The following MYCBP2 variants were observed in gnomAD, a reference collection of about 807,000 sequenced individuals.
MYCBP2 encodes E3 ubiquitin-protein ligase MYCBP2.
A neutral mutation model predicts 525.3 loss-of-function variants in MYCBP2; 120 were observed. The observed-to-expected ratio is 0.23, with a 90% CI of 0.20 to 0.27. The LOEUF is 0.27. Among genes scored for constraint, MYCBP2 ranks in the 10% least tolerant of loss-of-function variants. The probability of loss-of-function intolerance (pLI) is 1.00; values close to 1 mark genes in which losing one functional copy is unlikely to be tolerated. For synonymous variants in MYCBP2, 1,894 were observed against 1,955.8 expected, an observed-to-expected ratio of 0.97 and a Z score of 0.83; for missense variants, 4,149 against 5,657.1, an observed-to-expected ratio of 0.73 and a Z score of 8.55.
intron 37 of MYCBP2, 106 bp downstream of exon 37, chr13:77,174,205 C>A: frequency 2.1e-6 from 2 of 932,706 alleles, no homozygotes. Flanking sequence ...AGAAGATACA[C>A]TGTACAATTT....
rs1208400781 is a variant in MYCBP2 at position 77,139,200 on chromosome 13, A to G, written c.7655T>C (p.Val2552Ala). 3.7e-6 allele frequency: 6 copies of G among 1,613,260 alleles called. No homozygotes were observed. Among genetic ancestry groups the G allele is most frequent in the Non-Finnish European group, 4.2e-6 (5 of 1,179,516 alleles). ...TTAAAACCACCTTTTACTTACGTCAACAGGGACCAGAAGACTCTTGCCAAG... is the reference window on the plus strand; with the variant it reads ...TTAAAACCACCTTTTACTTACGTCAGCAGGGACCAGAAGACTCTTGCCAAG... ...QHLGKSLLVP[V>A]DESKTNTDDF... The change falls in exon 52 of 83, where the codon GTT becomes GCT. Residue 2552 changes from valine (V) to alanine (A), a missense_variant. This residue lies in a region of MYCBP2 where 692 missense variants were observed against 852.7 expected (regional missense o/e 0.81). Coordinates refer to ENST00000544440, the MANE Select transcript of MYCBP2 (RefSeq NM_015057.5).
chr13:77,157,584 A>G (rs540119801), intron 45 of MYCBP2, among the ~76,000 whole-genome samples: 2 of 152,236 alleles, frequency 1.3e-5, no homozygotes, highest in South Asian at 4.2e-4. Context: ...TGTTTCTACA[A>G]AAAATACAAA....
chr13:77,050,540 G>A (rs770582671), intron 82 of MYCBP2, among the ~76,000 whole-genome samples: 24 of 151,534 alleles, frequency 1.6e-4, no homozygotes, highest in Non-Finnish European at 2.8e-4. Context: ...CCTGTATTCT[G>A]AGTGGTTTCT....
chr13:77,101,922 A>G (rs1040334483), intron 55 of MYCBP2, among the ~76,000 whole-genome samples: 1 of 152,014 alleles, frequency 6.6e-6, no homozygotes, highest in Non-Finnish European at 1.5e-5. Flanking sequence ...TTTGCTAAAA[A>G]TCTTCAGACT....
intron 15 of MYCBP2, among the ~76,000 whole-genome samples, chr13:77,245,550 GA>G (rs1005667747): frequency 3.4e-4 from 48 of 141,366 alleles, no homozygotes; most frequent in African/African-American, 1.2e-3. Flanking sequence ...AGTGGGAGTT[GA>G]ACAATGAGAA....
chr13:77,063,782 A>G (rs2039744338), intron 73 of MYCBP2, among the ~76,000 whole-genome samples: 1 of 152,130 alleles, frequency 6.6e-6, no homozygotes, highest in Non-Finnish European at 1.5e-5. Flanking sequence ...AAAAGAAATA[A>G]TGCATGCAAG....
chr13:77,084,391 A>G (rs899662753), intron 62 of MYCBP2, among the ~76,000 whole-genome samples: 5 of 152,138 alleles, frequency 3.3e-5, no homozygotes, highest in Admixed American at 1.3e-4. Context: ...TTGTGCATAT[A>G]TTGATTACTG....
At chr13:77,317,891 C>T (rs2154380523) in intron 1 of MYCBP2, among the ~76,000 whole-genome samples, 1 of 152,168 alleles carries the variant, frequency 6.6e-6, no homozygotes, top group African/African-American at 2.4e-5. Context: ...CAGCTGAGAT[C>T]ACGCCATTGC....
intron 62 of MYCBP2, among the ~76,000 whole-genome samples, chr13:77,084,496 TAGC>T (rs979572954): frequency 5.3e-5 from 8 of 152,312 alleles, no homozygotes; most frequent in South Asian, 2.1e-4. Context: ...TACAGGGAGA[TAGC>T]AGGCCATCTA....
rs189281172 is a variant in MYCBP2, at chr13:77,213,419, G to A, written c.3058-1259C>T. ...GAATCTGGGAGCCGGAGGTTTCAGT[G>A]AGCTGAGATCATCATGCCACTACAT... is the stretch of plus-strand genomic sequence containing the variant. On this transcript the variant is annotated intron_variant, in intron 21 of 82. Transcript: ENST00000544440. Among the ~76,000 whole-genome samples the A allele has an allele frequency of 4.7e-3, 708 of 152,192 alleles. 3 individuals are homozygous for A. The highest frequency in any genetic ancestry group is 0.015 in the African/African-American group (620 of 41,538).
intron 1 of MYCBP2, among the ~76,000 whole-genome samples, chr13:77,306,833 C>T (rs1285365123): frequency 6.6e-6 from 1 of 152,116 alleles, no homozygotes; most frequent in Non-Finnish European, 1.5e-5. Context: ...AACAGCAGAA[C>T]TAGGCAACAG....
rs1285596388 is a variant in MYCBP2, at chr13:77,067,783, G to A, written c.12253C>T (p.Pro4085Ser). ...TGAATGATATCACTGATATCTGCTG[G>A]GGGGAGGGATTTCACTCCTATGATG... ...ASIIGVKSLP[P>S]ADISDIIHST... Residue 4085 changes from proline (P) to serine (S), a missense_variant, in exon 71 of 83, where the codon CCA becomes TCA. Pro to Ser is a moderately conservative substitution (Grantham distance 74). Coordinates refer to ENST00000544440, the MANE Select transcript of MYCBP2 (RefSeq NM_015057.5). 1.2e-6 allele frequency: 2 copies of A among 1,613,982 alleles called. No individual in the cohort carries two copies. Among genetic ancestry groups the A allele is most frequent in the Non-Finnish European group, 1.7e-6 (2 of 1,179,986 alleles).
intron 49 of MYCBP2, among the ~76,000 whole-genome samples, chr13:77,142,455 T>C (rs2054834722): frequency 6.6e-6 from 1 of 152,244 alleles, no homozygotes; most frequent in Non-Finnish European, 1.5e-5. Context: ...ATAGTTACAT[T>C]AATGTATGAG....
chr13:77,139,498 A>G (rs915696628), intron 51 of MYCBP2, among the ~76,000 whole-genome samples, 162 bp from the exon 52 acceptor site: 2 of 152,206 alleles, frequency 1.3e-5, no homozygotes, highest in African/African-American at 2.4e-5. Flanking sequence ...GGAAAAAAAA[A>G]GCAGCAAAGA....
At chr13:77,304,555 A>G (rs2079167198) in intron 1 of MYCBP2, among the ~76,000 whole-genome samples, 1 of 152,284 alleles carries the variant, frequency 6.6e-6, no homozygotes, top group South Asian at 2.1e-4. Flanking sequence ...GGTGACTATC[A>G]TAAACAACAA....
At chr13:77,080,652 T>C (rs2043140252) in intron 65 of MYCBP2, 2 of 152,130 alleles carry the variant, frequency 1.3e-5, no homozygotes, top group Admixed American at 1.3e-4. Flanking sequence ...AGTAGACACT[T>C]GAAGATAGGC....
At chr13:77,237,371 A>G (rs549533623) in intron 17 of MYCBP2, among the ~76,000 whole-genome samples, 1 of 152,320 alleles carries the variant, frequency 6.6e-6, no homozygotes, top group South Asian at 2.1e-4. Flanking sequence ...GTACATGATT[A>G]TATTTTAATA....
intron 3 of MYCBP2, among the ~76,000 whole-genome samples, chr13:77,287,142 C>T (rs1350907408): frequency 6.6e-6 from 1 of 151,160 alleles, no homozygotes; most frequent in African/African-American, 2.4e-5. Context: ...CCGCCTTGGC[C>T]TCCCAAAGAG....
chr13:77,126,634 C>T lies in MYCBP2; in HGVS notation c.7660-92G>A, dbSNP rs1190432034. 4.8e-6 allele frequency: 4 copies of T among 837,886 alleles called. No homozygotes were observed. The African/African-American group carries it at 5.2e-5, about 11-fold the overall frequency. The allele number at this position is 837,886 out of a possible 1,614,324, so 51.9% of individuals were successfully genotyped here. On this transcript the variant is annotated intron_variant, in intron 52 of 82. Transcript: ENST00000544440. Reference sequence around the variant, plus strand: ...ATTAATAGCTTTTATAGCAAGTCTACAGTACTGTCAATATAAAAAAAACAC... The same window carrying T: ...ATTAATAGCTTTTATAGCAAGTCTATAGTACTGTCAATATAAAAAAAACAC...
Sources: allele counts gnomAD v4.1 joint callset (sites outside exome capture counted in the v4.1 genomes callset), GRCh38; gene constraint gnomAD v4.1.1; regional missense constraint gnomAD v4.1.1; transcripts MANE v1.5; gene names NCBI Gene and HGNC (gene_info 2026-07-23, HGNC 2026-07-21).